The following ZNF69 variants were observed in gnomAD, a reference collection of about 807,000 sequenced individuals.
The protein encoded by ZNF69 is zinc finger protein 69, also known as ZNF3.
ZNF69 carries 47 observed loss-of-function variants against 50.9 expected under a neutral mutation model. The observed-to-expected ratio is 0.92, with a 90% CI of 0.73 to 1.18. The LOEUF (loss-of-function observed/expected upper bound fraction) is 1.18. Among genes scored for constraint, ZNF69 ranks in the 50% most tolerant of loss-of-function variants. The pLI, the probability that ZNF69 is intolerant of heterozygous loss-of-function variation, is 0.00. For synonymous variants in ZNF69, 216 were observed against 223.1 expected (o/e 0.97, Z 0.29); for missense variants, 717 against 675.1 (o/e 1.06, Z -0.69).
chr19:11,928,183 G>A, the ZNF69 span, among the ~76,000 whole-genome samples: 2 of 151,984 alleles, frequency 1.3e-5, no homozygotes, highest in Non-Finnish European at 1.5e-5. Flanking sequence ...GTTAGGTCTC[G>A]TTATGTTGCC....
At chr19:11,950,350 C>T in the ZNF69 span, 24 of 1,300,428 alleles carry the variant, frequency 1.8e-5, no homozygotes, top group East Asian at 4.6e-5. Context: ...CAGTTCTTTT[C>T]GATATCATGA....
downstream of ZNF69, among the ~76,000 whole-genome samples, chr19:11,909,175 AATT>A (rs1360091563): frequency 6.6e-6 from 1 of 152,222 alleles, no homozygotes; most frequent in East Asian, 1.9e-4. Context: ...TTGAGGCAAT[AATT>A]AATAGACTAC....
chr19:11,903,436 A>C (rs185582074), intron 1 of ZNF69, 137 bp from the exon 2 acceptor site: 1 of 1,418,904 alleles, frequency 7.0e-7, no homozygotes, highest in African/African-American at 1.4e-5. Context: ...TATGGAAGAA[A>C]GTAAGTATAC....
chr19:11,907,958 A>G (rs1389629538), downstream of ZNF69, among the ~76,000 whole-genome samples: 2 of 152,246 alleles, frequency 1.3e-5, no homozygotes, highest in Non-Finnish European at 2.9e-5. Flanking sequence ...CATAGGCTCA[A>G]AATAAAGGGA....
the ZNF69 span, chr19:11,979,022 A>G: frequency 3.1e-6 from 5 of 1,613,816 alleles, no homozygotes; most frequent in Admixed American, 1.7e-5. Context: ...CTGCGAAAAA[A>G]CCTTATGAAT....
At chr19:11,932,625 C>G in the ZNF69 span, among the ~76,000 whole-genome samples, 265 of 141,170 alleles carry the variant, frequency 1.9e-3, 39 homozygotes, top group African/African-American at 7.7e-3. Flanking sequence ...TTTATGCAAA[C>G]CAATATGTGA....
the ZNF69 span, among the ~76,000 whole-genome samples, chr19:11,922,724 G>C: frequency 1.3e-5 from 2 of 152,088 alleles, no homozygotes; most frequent in Non-Finnish European, 2.9e-5. Flanking sequence ...GAATGATCCA[G>C]TCCATAAGGA....
At chr19:11,950,402 G>T in the ZNF69 span, 2 of 863,100 alleles carry the variant, frequency 2.3e-6, no homozygotes, top group Non-Finnish European at 3.8e-6. Flanking sequence ...TGTAAGCAGT[G>T]TGGGAAAGCC....
chr19:11,959,385 G>A, the ZNF69 span, among the ~76,000 whole-genome samples: 1 of 152,220 alleles, frequency 6.6e-6, no homozygotes. Flanking sequence ...CAGTTCTGGT[G>A]TGTCTCCTTG....
At chr19:11,933,993 A>T in the ZNF69 span, among the ~76,000 whole-genome samples, 1 of 147,524 alleles carries the variant, frequency 6.8e-6, no homozygotes, top group Non-Finnish European at 1.5e-5. Context: ...TTCTTTCATC[A>T]CTGAGTAACA....
the ZNF69 span, among the ~76,000 whole-genome samples, chr19:11,924,398 C>T: frequency 7.3e-6 from 1 of 137,880 alleles, no homozygotes; most frequent in African/African-American, 2.7e-5. Context: ...CACCACTGCA[C>T]TCCAGCCTGG....
At chr19:11,912,713 G>A (rs1267178925) in intron 4 of ZNF69, among the ~76,000 whole-genome samples, 1 of 152,022 alleles carries the variant, frequency 6.6e-6, no homozygotes, top group Non-Finnish European at 1.5e-5. Context: ...AAGCAATGCA[G>A]GAAAGCCTTC....
the ZNF69 span, chr19:11,946,938 A>G: frequency 7.2e-6 from 5 of 696,500 alleles, no homozygotes; most frequent in African/African-American, 5.7e-5. Flanking sequence ...TGGTGAGCCA[A>G]TATCACGCCA....
the ZNF69 span, among the ~76,000 whole-genome samples, chr19:11,954,996 ATTTTTTTT>A: frequency 1.1e-4 from 11 of 101,712 alleles, no homozygotes; most frequent in Non-Finnish European, 2.1e-4. Context: ...TTTCAAAAAA[ATTTTTTTT>A]TTTTTTTTTT....
At chr19:11,898,326 T>C (rs183337232) in intron 1 of ZNF69, among the ~76,000 whole-genome samples, 17 of 151,986 alleles carry the variant, frequency 1.1e-4, no homozygotes, top group Non-Finnish European at 1.8e-4. Context: ...CCCCAAAACA[T>C]TGAGCAGATA....
In ZNF69 at chr19:11,905,516, T is replaced by G. The variant is rs1972350676; in HGVS notation, c.1119T>G (p.Asn373Lys). ...KICGKGFCSANSFQRHEKTHS... is the reference protein window; with the variant it reads ...KICGKGFCSAKSFQRHEKTHS... ...GTGGGAAAGGCTTTTGTTCTGCCAATTCATTTCAAAGACATGAAAAAACTC... is the reference window on the plus strand; with the variant it reads ...GTGGGAAAGGCTTTTGTTCTGCCAAGTCATTTCAAAGACATGAAAAAACTC... Residue 373 changes from asparagine (N) to lysine (K), a missense_variant, in exon 4 of 4, where the codon AAT becomes AAG. Physicochemically the swap from Asn to Lys is moderately conservative, Grantham distance 94. Coordinates refer to ENST00000429654, the MANE Select transcript of ZNF69 (RefSeq NM_001364730.1). 2 of 1,612,558 alleles carry G rather than the reference T, an allele frequency of 1.2e-6. No homozygotes were observed. The highest frequency in any genetic ancestry group is 1.7e-6 in the Non-Finnish European group (2 of 1,179,618).
the ZNF69 span, among the ~76,000 whole-genome samples, chr19:11,947,839 C>G: frequency 1.3e-5 from 2 of 152,090 alleles, no homozygotes; most frequent in South Asian, 2.1e-4. Flanking sequence ...GACCACATAT[C>G]AACAACAGCA....
chr19:11,889,272 C>T (rs544759426), intron 1 of ZNF69, among the ~76,000 whole-genome samples: 1 of 152,282 alleles, frequency 6.6e-6, no homozygotes, highest in African/African-American at 2.4e-5. Flanking sequence ...CACAAGGAGT[C>T]TGTTTTTCCA....
chr19:11,962,521 C>T, the ZNF69 span, among the ~76,000 whole-genome samples: 6 of 152,102 alleles, frequency 3.9e-5, no homozygotes, highest in East Asian at 1.2e-3. Flanking sequence ...CCAACATGCC[C>T]GACTGTTTTT....
Sources: allele counts gnomAD v4.1 joint callset (sites outside exome capture counted in the v4.1 genomes callset), GRCh38; gene constraint gnomAD v4.1.1; transcripts MANE v1.5; gene names NCBI Gene and HGNC (gene_info 2026-07-23, HGNC 2026-07-21).